INPP4B: variants seen among roughly 807,000 people sequenced by gnomAD.
INPP4B encodes inositol polyphosphate-4-phosphatase type II B, also known as inositol polyphosphate 4-phosphatase type II.
Under a neutral mutation model 122.5 loss-of-function variants are expected in INPP4B, and 55 were observed. The observed-to-expected ratio is 0.45, with a 90% confidence interval of 0.36 to 0.56. INPP4B has a LOEUF of 0.56. INPP4B is among the 20% of genes least tolerant of loss of function. The probability of loss-of-function intolerance (pLI) is 0.00; values close to 1 mark genes in which losing one functional copy is unlikely to be tolerated. For synonymous variants in INPP4B, 403 were observed against 388.7 expected (o/e 1.04, Z -0.43); for missense variants, 1,000 against 1,097.7 (o/e 0.91, Z 1.26).
chr4:142,410,465 G>A (rs1804365713), intron 5 of INPP4B, among the ~76,000 whole-genome samples: 2 of 152,098 alleles, frequency 1.3e-5, no homozygotes, highest in African/African-American at 4.8e-5. Context: ...CTTTCTTCCA[G>A]AACAAAGCAG....
chr4:142,696,668 T>C (rs375439001), intron 2 of INPP4B, among the ~76,000 whole-genome samples: 4 of 152,272 alleles, frequency 2.6e-5, no homozygotes, highest in South Asian at 2.1e-4. Context: ...CTACTACTTA[T>C]GTTGTTCTCC....
chr4:142,109,768 T>G (rs1789070100), intron 22 of INPP4B, among the ~76,000 whole-genome samples: 1 of 152,172 alleles, frequency 6.6e-6, no homozygotes, highest in Admixed American at 6.6e-5. Flanking sequence ...TGAGCCGAAC[T>G]GTAATGTAAT....
chr4:142,613,276 C>T (rs1331058071), intron 2 of INPP4B, among the ~76,000 whole-genome samples: 3 of 152,174 alleles, frequency 2.0e-5, no homozygotes, highest in Non-Finnish European at 4.4e-5. Context: ...CAATATGCAG[C>T]TGAACATAAG....
chr4:142,679,763 T>C (rs1758342325), intron 2 of INPP4B, among the ~76,000 whole-genome samples: 1 of 151,752 alleles, frequency 6.6e-6, no homozygotes, highest in African/African-American at 2.4e-5. Context: ...TTTCAGGCTA[T>C]TTATATGAGA....
chr4:142,697,070 A>C (rs979685415), intron 2 of INPP4B, among the ~76,000 whole-genome samples: 4 of 152,180 alleles, frequency 2.6e-5, no homozygotes, highest in African/African-American at 7.2e-5. Flanking sequence ...ATTTTTAAAA[A>C]TTCTTACAAT....
At chr4:142,345,624 C>T (rs1018638537) in intron 7 of INPP4B, among the ~76,000 whole-genome samples, 6 of 151,894 alleles carry the variant, frequency 4.0e-5, no homozygotes, top group African/African-American at 1.5e-4. Context: ...AATTAGAGAG[C>T]GTAGTATCCG....
chr4:142,786,631 T>G (rs1453826659), intron 1 of INPP4B, among the ~76,000 whole-genome samples: 1 of 152,084 alleles, frequency 6.6e-6, no homozygotes, highest in Non-Finnish European at 1.5e-5. Flanking sequence ...CAACACACAG[T>G]ATTTCAGCCA....
chr4:142,138,560 A>G (rs946009606), intron 18 of INPP4B, among the ~76,000 whole-genome samples: 2 of 152,054 alleles, frequency 1.3e-5, no homozygotes, highest in East Asian at 3.9e-4. Flanking sequence ...AAAAAAATTA[A>G]TCATTCCTTT....
intron 2 of INPP4B, among the ~76,000 whole-genome samples, chr4:142,621,477 G>T (rs571830671): frequency 7.9e-5 from 12 of 151,868 alleles, no homozygotes; most frequent in Non-Finnish European, 1.0e-4. Flanking sequence ...AGGAGGAAAA[G>T]AAATATTTTT....
chr4:142,311,243 TTC>T (rs1435055519), intron 8 of INPP4B, among the ~76,000 whole-genome samples: 4 of 152,174 alleles, frequency 2.6e-5, no homozygotes, highest in East Asian at 3.9e-4. Flanking sequence ...ATGTGTTAAC[TTC>T]TCTCTCCAAA....
At chr4:142,155,766 C>A (rs67288745) in intron 17 of INPP4B, among the ~76,000 whole-genome samples, 12,723 of 151,770 alleles carry the variant, frequency 0.084, 704 homozygotes, top group Middle Eastern at 0.17. Context: ...AGGAATATAT[C>A]AGAAGATGGT....
At chr4:142,357,511 C>T (rs561408290) in intron 7 of INPP4B, among the ~76,000 whole-genome samples, 3 of 152,054 alleles carry the variant, frequency 2.0e-5, no homozygotes, top group South Asian at 2.1e-4. Context: ...CTACCACTTT[C>T]GTAGGGATAA....
At chr4:142,279,675 C>G (rs1750266122) in intron 9 of INPP4B, among the ~76,000 whole-genome samples, 1 of 151,794 alleles carries the variant, frequency 6.6e-6, no homozygotes, top group Non-Finnish European at 1.5e-5. Flanking sequence ...TTTCTGTGAA[C>G]TGGACTTAGG....
At chr4:142,278,663 A>G (rs1490076753) in intron 9 of INPP4B, among the ~76,000 whole-genome samples, 4 of 151,786 alleles carry the variant, frequency 2.6e-5, no homozygotes, top group Admixed American at 2.6e-4. Context: ...TGTACAGGAG[A>G]GTAGGTAAAT....
chr4:142,651,923 A>G (rs1753051008), intron 2 of INPP4B, among the ~76,000 whole-genome samples: 1 of 152,134 alleles, frequency 6.6e-6, no homozygotes, highest in Non-Finnish European at 1.5e-5. Context: ...CAACAAAAAA[A>G]GAATTTTAGA....
At chr4:142,403,930 A>C (rs1158244749) in intron 6 of INPP4B, among the ~76,000 whole-genome samples, 2 of 152,208 alleles carry the variant, frequency 1.3e-5, no homozygotes, top group Non-Finnish European at 2.9e-5. Flanking sequence ...GACATTTCTT[A>C]TAGTTAAGAT....
chr4:142,543,404 G>A (rs770441926), intron 2 of INPP4B, among the ~76,000 whole-genome samples: 2 of 152,072 alleles, frequency 1.3e-5, no homozygotes, highest in Non-Finnish European at 2.9e-5. Flanking sequence ...ACTGTCACAG[G>A]ATTAATTCCC....
chr4:142,122,526 T>C (rs1796982758), intron 20 of INPP4B, among the ~76,000 whole-genome samples: 1 of 152,102 alleles, frequency 6.6e-6, no homozygotes, highest in Non-Finnish European at 1.5e-5. Flanking sequence ...TTGTGATTTG[T>C]GCACCTTTCT....
intron 16 of INPP4B, among the ~76,000 whole-genome samples, chr4:142,162,524 A>T (rs372930281): frequency 2.0e-5 from 3 of 151,980 alleles, no homozygotes; most frequent in East Asian, 3.9e-4. Context: ...AATTCTTTTG[A>T]TTTATTTTTT....
Sources: allele counts gnomAD v4.1 joint callset (sites outside exome capture counted in the v4.1 genomes callset), GRCh38; gene constraint gnomAD v4.1.1; transcripts MANE v1.5; gene names NCBI Gene and HGNC (gene_info 2026-07-23, HGNC 2026-07-21).